AP3M2: variants seen among roughly 807,000 people sequenced by gnomAD.
AP3M2 encodes the protein AP-3 complex subunit mu-2.
In AP3M2, 28 loss-of-function variants were observed where a neutral mutation model predicts 41.6. The observed-to-expected ratio is 0.67, with a 90% CI of 0.50 to 0.92. AP3M2 has a LOEUF of 0.92. AP3M2 is among the 40% of genes least tolerant of loss of function. The probability of loss-of-function intolerance (pLI) is 0.00; values close to 1 mark genes in which losing one functional copy is unlikely to be tolerated. For synonymous variants in AP3M2, 193 were observed against 186.4 expected, an observed-to-expected ratio of 1.04 and a Z score of -0.29; for missense variants, 427 against 521.4, an observed-to-expected ratio of 0.82 and a Z score of 1.76.
intron 2 of AP3M2, among the ~76,000 whole-genome samples, chr8:42,155,332 A>G (rs564036244): frequency 6.6e-6 from 1 of 152,318 alleles, no homozygotes; most frequent in South Asian, 2.1e-4. Context: ...GTGATTGTAT[A>G]AAGTTTTAGA....
intron 2 of AP3M2, chr8:42,155,985 T>G (rs1274471387): frequency 4.4e-6 from 2 of 456,180 alleles, no homozygotes; most frequent in Non-Finnish European, 8.8e-6. Flanking sequence ...GTAGTACTAC[T>G]GTTCTGGAAT....
intron 7 of AP3M2, 71 bp from the exon 8 acceptor site, chr8:42,167,595 A>G: frequency 6.5e-7 from 1 of 1,546,994 alleles, no homozygotes; most frequent in Non-Finnish European, 8.7e-7. Flanking sequence ...GATCTCAGCC[A>G]CCTCAAATGC....
intron 2 of AP3M2, 37 bp from the exon 3 acceptor site, chr8:42,157,904 A>G: frequency 1.3e-6 from 2 of 1,575,774 alleles, no homozygotes; most frequent in Non-Finnish European, 1.7e-6. Flanking sequence ...ATTTTACAGT[A>G]TCTGAGTGAT....
rs1804401105 is a variant in AP3M2 at position 42,157,934 on chromosome 8, CCAT to C, written c.274-4_274-2del. 1 of 1,609,500 alleles carries C rather than the reference CCAT, an allele frequency of 6.2e-7. No homozygotes were observed. Among genetic ancestry groups the C allele is most frequent in the South Asian group, 1.1e-5 (1 of 90,922 alleles). Reference sequence around the variant, plus strand: ...AGTGATCAATGTGTATATTCTGTCTCCATCAGGATTATTTTGGAGTCTGTTCAG... The same window carrying C: ...AGTGATCAATGTGTATATTCTGTCTCCAGGATTATTTTGGAGTCTGTTCAG... On this transcript the variant is annotated splice_region_variant and splice_polypyrimidine_tract_variant and intron_variant, in intron 2 of 8. Transcript: ENST00000396926.
chr8:42,166,464 A>G (rs1367785252), intron 6 of AP3M2, among the ~76,000 whole-genome samples: 1 of 151,928 alleles, frequency 6.6e-6, no homozygotes, highest in African/African-American at 2.4e-5. Flanking sequence ...ACCCTACCTT[A>G]TGGGGTTTTT....
chr8:42,155,904 C>T, intron 2 of AP3M2: 2 of 447,796 alleles, frequency 4.5e-6, no homozygotes, highest in Non-Finnish European at 9.0e-6. Flanking sequence ...CTCATATCTG[C>T]ACCACGTCTA....
Position 42,169,123 on chromosome 8 carries a change from A to T in AP3M2, c.*62A>T. The T allele has an allele frequency of 8.5e-7, 1 of 1,180,050 alleles. No individual in the cohort carries two copies. Among genetic ancestry groups the T allele is most frequent in the Non-Finnish European group, 1.2e-6 (1 of 844,064 alleles). 73.1% of individuals were successfully genotyped at this position (1,180,050 alleles called of 1,614,324 possible). ...TTTCATTTCTTACTTGTCTAAAAGTAAAAAAAAATATCAGCCTGTCTCCTA... is the reference window on the plus strand; with the variant it reads ...TTTCATTTCTTACTTGTCTAAAAGTTAAAAAAAATATCAGCCTGTCTCCTA... On this transcript the variant is annotated 3_prime_UTR_variant, in exon 9 of 9. Coordinates refer to ENST00000396926, the MANE Select transcript of AP3M2 (RefSeq NM_006803.4).
chr8:42,167,272 C>T lies in AP3M2; in HGVS notation c.912C>T (p.Thr304=). 6.2e-7 allele frequency: 1 copy of T among 1,614,094 alleles called. No homozygotes were observed. Among genetic ancestry groups the T allele is most frequent in the Non-Finnish European group, 8.5e-7 (1 of 1,180,024 alleles). Residue 304 remains threonine, a synonymous_variant, in exon 7 of 9, where the codon ACC becomes ACT. Coordinates refer to ENST00000396926, the MANE Select transcript of AP3M2 (RefSeq NM_006803.4). The stretch of plus-strand genomic sequence containing the variant: ...GACCCAAGCAGACGATGGGGAAGAC[C>T]ATTGAGGGAGTGACTGTCACCAGCC... ...TVGPKQTMGK[T]IEGVTVTSQM...
At chr8:42,165,818 G>C in intron 6 of AP3M2, 1 of 367,304 alleles carries the variant, frequency 2.7e-6, no homozygotes, top group East Asian at 4.5e-5. Flanking sequence ...ACAAAGAAGT[G>C]CTCATTAAGT....
chr8:42,158,169 G>A lies in AP3M2; in HGVS notation c.445+57G>A, dbSNP rs191379593. 2.5e-3 allele frequency: 3,803 copies of A among 1,548,402 alleles called. 16 individuals carry two copies. Among genetic ancestry groups the A allele is most frequent in the Non-Finnish European group, 2.3e-3 (2,608 of 1,127,518 alleles). On this transcript the variant is annotated intron_variant, in intron 3 of 8. Transcript: ENST00000396926. ...GCCATCCTACAGCCTGAGTGGCTTA[G>A]TCGAGTGTCGCACATTGTTTTGAGT...
In AP3M2 at chr8:42,167,648, T is replaced by A. The variant is rs764004336; in HGVS notation, c.1012-18T>A. On this transcript the variant is annotated intron_variant, in intron 7 of 8. Coordinates refer to ENST00000396926, the MANE Select transcript of AP3M2 (RefSeq NM_006803.4). ...ATTTTTTGGAAAGACCACTTCTCCA[T>A]TTTTATTTTCTTTGAAGATGCTGTC... The A allele has an allele frequency of 1.3e-6, 2 of 1,596,512 alleles. No homozygotes were observed. The highest frequency in any genetic ancestry group is 1.7e-6 in the Non-Finnish European group (2 of 1,175,192).
At chr8:42,155,599 A>C (rs1292286291) in intron 2 of AP3M2, among the ~76,000 whole-genome samples, 5 of 152,188 alleles carry the variant, frequency 3.3e-5, no homozygotes, top group African/African-American at 1.2e-4. Context: ...GGTGATGTCC[A>C]AGGGAGGTCA....
At chr8:42,166,467 G>A (rs1804638884) in intron 6 of AP3M2, among the ~76,000 whole-genome samples, 2 of 151,594 alleles carry the variant, frequency 1.3e-5, no homozygotes, top group South Asian at 4.2e-4. Flanking sequence ...CTACCTTATG[G>A]GGTTTTTGTA....
At chr8:42,159,829 A>G (rs1050708738) in intron 3 of AP3M2, among the ~76,000 whole-genome samples, 8 of 152,258 alleles carry the variant, frequency 5.3e-5, no homozygotes, top group African/African-American at 1.7e-4. Flanking sequence ...AAAAGTATAA[A>G]TATTGCAAGA....
In AP3M2 at chr8:42,170,486, C is replaced by T. The variant is rs1209478082; in HGVS notation, c.*1425C>T. ...GTCTGTTACTATTTAAATATTTATA[C>T]AAAAGGGTTTTTGTTTATAGCTTAA... On this transcript the variant is annotated 3_prime_UTR_variant, in exon 9 of 9. Transcript: ENST00000396926. 1 of 152,148 alleles carries T rather than the reference C, an allele frequency of 6.6e-6. No individual in the cohort carries two copies. Among genetic ancestry groups the T allele is most frequent in the South Asian group, 2.1e-4 (1 of 4,838 alleles). 9.4% of individuals were successfully genotyped at this position (152,148 alleles called of 1,614,324 possible).
intron 6 of AP3M2, chr8:42,166,909 T>A: frequency 2.1e-6 from 1 of 481,702 alleles, no homozygotes. Flanking sequence ...GCCTTTGTCA[T>A]AGTAGTGTAC....
At chr8:42,160,436 G>A (rs1804479073) in intron 3 of AP3M2, among the ~76,000 whole-genome samples, 1 of 151,962 alleles carries the variant, frequency 6.6e-6, no homozygotes, top group Admixed American at 6.6e-5. Flanking sequence ...ATTGTATTAG[G>A]GCAGTCAGCT....
intron 3 of AP3M2, 103 bp from the exon 4 acceptor site, chr8:42,162,178 A>AGTAAT (rs1340933698): frequency 1.5e-5 from 17 of 1,157,512 alleles, no homozygotes; most frequent in Admixed American, 2.7e-5. Flanking sequence ...AAAATTCTTC[A>AGTAAT]ATTGAGTGCA....
At chr8:42,154,240 T>C (rs542069463) in intron 1 of AP3M2, 6 of 174,558 alleles carry the variant, frequency 3.4e-5, no homozygotes, top group South Asian at 2.5e-4. Flanking sequence ...TGCCAAAACA[T>C]GACATCAAAT....
Sources: allele counts gnomAD v4.1 joint callset (sites outside exome capture counted in the v4.1 genomes callset), GRCh38; gene constraint gnomAD v4.1.1; transcripts MANE v1.5; gene names NCBI Gene and HGNC (gene_info 2026-07-23, HGNC 2026-07-21).